Variants in CTNNBL1 observed in about 807,000 individuals in gnomAD.
CTNNBL1 encodes the protein catenin beta like 1.
A neutral mutation model predicts 72.7 loss-of-function variants in CTNNBL1; 31 were observed. The observed-to-expected ratio is 0.43, with a 90% CI of 0.32 to 0.58. The LOEUF is 0.58. CTNNBL1 is among the 20% of genes least tolerant of loss of function. The pLI is 0.08. For missense variants in CTNNBL1, 534 were observed against 725.1 expected (o/e 0.74, Z 3.03); for synonymous variants, 240 against 267.3 (o/e 0.90, Z 1.00).
intron 10 of CTNNBL1, among the ~76,000 whole-genome samples, chr20:37,799,026 G>A (rs1022597116): frequency 4.6e-5 from 7 of 152,076 alleles, no homozygotes; most frequent in East Asian, 1.9e-4. Context: ...AAATCCCTTC[G>A]TACTGAATTT....
rs2073087827 is a variant in CTNNBL1, at chr20:37,726,679, T to A, written c.31-6200T>A. 2.6e-5 allele frequency among the ~76,000 whole-genome samples: 4 copies of A among 152,328 alleles called. No individual in the cohort carries two copies. The South Asian group carries it at 8.3e-4, about 32-fold the overall frequency. ...GAAGAATTCTTGGTTTATTACAATG[T>A]TTAGAAGGTTTCCTTTGACTTTTTC... On this transcript the variant is annotated intron_variant, in intron 1 of 15. Transcript: ENST00000361383.
chr20:37,771,276 A>G (rs2073521101), intron 7 of CTNNBL1, among the ~76,000 whole-genome samples: 1 of 152,246 alleles, frequency 6.6e-6, no homozygotes, highest in African/African-American at 2.4e-5. Context: ...CTACCGTCTC[A>G]GTCTCTGTCT....
At chr20:37,694,242 C>G in intron 1 of CTNNBL1, 90 bp downstream of exon 1, 1 of 1,223,338 alleles carries the variant, frequency 8.2e-7, no homozygotes, top group South Asian at 1.6e-5. Flanking sequence ...CTCCTCTCGC[C>G]TCACTCCCGG....
intron 10 of CTNNBL1, 68 bp downstream of exon 10, chr20:37,779,403 G>A: frequency 6.4e-7 from 1 of 1,551,656 alleles, no homozygotes; most frequent in Admixed American, 1.7e-5. Context: ...CTGAATTCAA[G>A]AGCATGTAGC....
chr20:37,772,549 C>T (rs1568773481), intron 7 of CTNNBL1, among the ~76,000 whole-genome samples: 1 of 152,072 alleles, frequency 6.6e-6, no homozygotes, highest in Admixed American at 6.6e-5. Context: ...GGGGTTTCAC[C>T]GTATTAGCCA....
intron 11 of CTNNBL1, among the ~76,000 whole-genome samples, chr20:37,805,752 T>G (rs981527148): frequency 4.6e-5 from 7 of 152,174 alleles, no homozygotes; most frequent in African/African-American, 1.4e-4. Flanking sequence ...ACCCGTAGAC[T>G]AGGATAGAAT....
intron 1 of CTNNBL1, among the ~76,000 whole-genome samples, chr20:37,704,020 A>G (rs113042508): frequency 0.16 from 23,626 of 151,842 alleles, 3,433 homozygotes; most frequent in African/African-American, 0.39. Flanking sequence ...CAGGTGATCC[A>G]CCTGTCTCGA....
At chr20:37,792,145 T>G (rs1380037887) in intron 10 of CTNNBL1, among the ~76,000 whole-genome samples, 1 of 152,240 alleles carries the variant, frequency 6.6e-6, no homozygotes. Context: ...GAATCTGTAT[T>G]TGATGTGCTC....
At chr20:37,795,475 A>G (rs944729785) in intron 10 of CTNNBL1, among the ~76,000 whole-genome samples, 1 of 152,170 alleles carries the variant, frequency 6.6e-6, no homozygotes, top group Non-Finnish European at 1.5e-5. Context: ...ATATGATTCC[A>G]TGTATATTAG....
chr20:37,748,397 T>C (rs1372230029), intron 4 of CTNNBL1, among the ~76,000 whole-genome samples: 1 of 152,220 alleles, frequency 6.6e-6, no homozygotes, highest in East Asian at 1.9e-4. Flanking sequence ...TTCTGGGTTG[T>C]ATAAGAACCC....
At chr20:37,751,632 C>G (rs557282536) in intron 4 of CTNNBL1, 1 of 152,322 alleles carries the variant, frequency 6.6e-6, no homozygotes, top group African/African-American at 2.4e-5. Flanking sequence ...TAAAGTGGAA[C>G]AAACTGACTG....
intron 11 of CTNNBL1, among the ~76,000 whole-genome samples, chr20:37,819,970 G>C (rs2122768685): frequency 6.6e-6 from 1 of 151,444 alleles, no homozygotes; most frequent in Admixed American, 6.6e-5. Context: ...CGCATCCCGG[G>C]TTCAAGCGAT....
At chr20:37,737,791 C>T (rs1016952199) in intron 3 of CTNNBL1, among the ~76,000 whole-genome samples, 1 of 152,220 alleles carries the variant, frequency 6.6e-6, no homozygotes, top group Non-Finnish European at 1.5e-5. Context: ...TACAAACATG[C>T]TTCTTTCTTC....
At chr20:37,728,504 A>G (rs989017142) in intron 1 of CTNNBL1, among the ~76,000 whole-genome samples, 9 of 152,174 alleles carry the variant, frequency 5.9e-5, no homozygotes, top group African/African-American at 2.2e-4. Context: ...ACAGTACCTC[A>G]TATGGTTGGC....
At chr20:37,844,851 G>C (rs1421806872) in intron 13 of CTNNBL1, among the ~76,000 whole-genome samples, 1 of 152,178 alleles carries the variant, frequency 6.6e-6, no homozygotes, top group East Asian at 1.9e-4. Context: ...GGGAGGCTGA[G>C]GCACGAGAGT....
rs185857793 is a variant in CTNNBL1 at position 37,737,002 on chromosome 20, T to C, written c.220-376T>C. On this transcript the variant is annotated intron_variant, in intron 2 of 15. Coordinates refer to ENST00000361383, the MANE Select transcript of CTNNBL1 (RefSeq NM_030877.5). ...ACTTTGGGAGGCCAAGGTGGGCAGA[T>C]CACGAGGTCAGGAGATCGAGACCAT... Among the ~76,000 whole-genome samples, 52 of 151,952 alleles carry C rather than the reference T, an allele frequency of 3.4e-4. No homozygotes were observed. The East Asian group carries it at 4.1e-3, about 12-fold the overall frequency.
At chr20:37,832,940 C>T (rs148461742) in intron 11 of CTNNBL1, among the ~76,000 whole-genome samples, 16 of 152,196 alleles carry the variant, frequency 1.1e-4, no homozygotes, top group Admixed American at 2.6e-4. Context: ...CTAGATCAAG[C>T]GTTCTTAACT....
chr20:37,774,443 C>G (rs1007906666), intron 7 of CTNNBL1, among the ~76,000 whole-genome samples: 2 of 152,194 alleles, frequency 1.3e-5, no homozygotes, highest in African/African-American at 2.4e-5. Flanking sequence ...TTGCAGAGCT[C>G]AGCGTTGGGG....
At chr20:37,776,405 G>C (rs747895560) in intron 7 of CTNNBL1, among the ~76,000 whole-genome samples, 1 of 152,188 alleles carries the variant, frequency 6.6e-6, no homozygotes, top group Non-Finnish European at 1.5e-5. Context: ...GGAAGTGTTA[G>C]TTCCAAGATA....
Sources: allele counts gnomAD v4.1 joint callset (sites outside exome capture counted in the v4.1 genomes callset), GRCh38; gene constraint gnomAD v4.1.1; transcripts MANE v1.5; gene names NCBI Gene and HGNC (gene_info 2026-07-23, HGNC 2026-07-21).